Variants in NREP observed in about 807,000 individuals in gnomAD.
NREP encodes the protein neuronal regeneration-related protein.
Under a neutral mutation model 8.6 loss-of-function variants are expected in NREP, and 5 were observed. The ratio of observed to expected loss-of-function variants is 0.58; its 90% confidence interval spans 0.30 to 1.22. NREP has a LOEUF of 1.22. Ranked by LOEUF, NREP falls within the 50% of genes most tolerant of loss-of-function variation. The probability of loss-of-function intolerance (pLI) is 0.07; values close to 1 mark genes in which losing one functional copy is unlikely to be tolerated. For synonymous variants in NREP, 27 were observed against 28.0 expected (o/e 0.96, Z 0.11); for missense variants, 86 against 82.5 (o/e 1.04, Z -0.17).
chr5:111,850,600 T>G (rs1266696860), intron 2 of NREP, among the ~76,000 whole-genome samples: 1 of 152,144 alleles, frequency 6.6e-6, no homozygotes, highest in African/African-American at 2.4e-5. Flanking sequence ...CCTTCATCTC[T>G]TGTGTCTTGT....
At chr5:111,951,332 T>G (rs1275380126) in intron 2 of NREP, among the ~76,000 whole-genome samples, 3 of 152,078 alleles carry the variant, frequency 2.0e-5, no homozygotes, top group Non-Finnish European at 4.4e-5. Flanking sequence ...TGAACATTCT[T>G]ATATATTTCT....
chr5:111,881,707 AC>A (rs1164017797), intron 2 of NREP, among the ~76,000 whole-genome samples: 3 of 152,108 alleles, frequency 2.0e-5, no homozygotes, highest in Non-Finnish European at 4.4e-5. Flanking sequence ...CTCTGCAGAT[AC>A]CCCGGCAAAC....
intron 2 of NREP, among the ~76,000 whole-genome samples, chr5:111,736,994 G>A (rs1445401293): frequency 6.6e-6 from 1 of 152,030 alleles, no homozygotes; most frequent in African/African-American, 2.4e-5. Context: ...GTCCACAGCC[G>A]CCACCCACGT....
chr5:111,887,226 C>T (rs1296545489), intron 2 of NREP, among the ~76,000 whole-genome samples: 1 of 152,100 alleles, frequency 6.6e-6, no homozygotes, highest in Admixed American at 6.6e-5. Flanking sequence ...GCCCAGTGTA[C>T]ATAAACCTTT....
chr5:111,745,881 T>G (rs1012725185), intron 2 of NREP, among the ~76,000 whole-genome samples: 9 of 152,168 alleles, frequency 5.9e-5, no homozygotes, highest in Non-Finnish European at 1.2e-4. Flanking sequence ...AATTAATGTA[T>G]TAGAAATCCA....
At chr5:111,937,908 C>T (rs1008733425) in intron 2 of NREP, among the ~76,000 whole-genome samples, 103 of 152,018 alleles carry the variant, frequency 6.8e-4, no homozygotes, top group African/African-American at 2.5e-3. Context: ...CAAAGCTGAC[C>T]TCCAACTTAT....
chr5:111,934,433 A>G (rs901128491), intron 2 of NREP, among the ~76,000 whole-genome samples: 4 of 152,050 alleles, frequency 2.6e-5, no homozygotes, highest in Non-Finnish European at 4.4e-5. Context: ...ATAGGGGAAG[A>G]GGAGGAAAGA....
intron 2 of NREP, 187 bp downstream of exon 2, chr5:111,755,583 T>G (rs1039249790): frequency 1.6e-6 from 1 of 641,814 alleles, no homozygotes; most frequent in Non-Finnish European, 2.8e-6. Context: ...AAGAACTAAT[T>G]TGCCACATCC....
At chr5:111,946,199 T>TA (rs1255198350) in intron 2 of NREP, among the ~76,000 whole-genome samples, 4 of 151,764 alleles carry the variant, frequency 2.6e-5, no homozygotes, top group Non-Finnish European at 4.4e-5. Context: ...TTTGTCAAGT[T>TA]AATTCAATTT....
At chr5:111,871,804 T>C (rs896747109) in intron 2 of NREP, among the ~76,000 whole-genome samples, 4 of 150,158 alleles carry the variant, frequency 2.7e-5, no homozygotes, top group African/African-American at 9.7e-5. Flanking sequence ...ACCACTGTCA[T>C]ATATGCAGTT....
rs141335270 is a variant in NREP, at chr5:111,747,795, AGGAG to A, written c.3+7971_3+7974del. The stretch of plus-strand genomic sequence containing the variant: ...ATTTATATTTTGCTCCATGAAAATA[AGGAG>A]GAACACTGAACCAAGCAGTCTAAAA... On this transcript the variant is annotated intron_variant, in intron 2 of 3. Coordinates refer to ENST00000257435, the MANE Select transcript of NREP (RefSeq NM_004772.4). Among the ~76,000 whole-genome samples the A allele has an allele frequency of 1.2e-3, 184 of 152,298 alleles. 1 individual carries two copies. Among genetic ancestry groups the A allele is most frequent in the African/African-American group, 3.9e-3 (164 of 41,570 alleles).
At chr5:111,923,935 G>C (rs536736063) in intron 2 of NREP, among the ~76,000 whole-genome samples, 1 of 152,168 alleles carries the variant, frequency 6.6e-6, no homozygotes, top group African/African-American at 2.4e-5. Flanking sequence ...CAAGGAATGG[G>C]TCTTGGCTGC....
At chr5:111,742,581 G>T (rs1227330040) in intron 2 of NREP, among the ~76,000 whole-genome samples, 1 of 152,046 alleles carries the variant, frequency 6.6e-6, no homozygotes, top group Non-Finnish European at 1.5e-5. Flanking sequence ...AGGGGGGCAA[G>T]AAATCAGGTC....
At chr5:111,846,654 C>T (rs1432774492) in intron 2 of NREP, 1 of 151,896 alleles carries the variant, frequency 6.6e-6, no homozygotes, top group African/African-American at 2.4e-5. Flanking sequence ...TTCTGTAGCT[C>T]ACTTTTCAGT....
At chr5:111,929,587 CCTTT>C (rs1451495652) in intron 2 of NREP, among the ~76,000 whole-genome samples, 4 of 152,192 alleles carry the variant, frequency 2.6e-5, no homozygotes, top group Non-Finnish European at 5.9e-5. Flanking sequence ...TAGAAATCTT[CCTTT>C]CTTTCTCAAA....
intron 2 of NREP, among the ~76,000 whole-genome samples, chr5:111,940,389 C>T (rs1051332690): frequency 3.3e-5 from 5 of 152,040 alleles, no homozygotes; most frequent in South Asian, 4.1e-4. Context: ...AAGTTGTTGC[C>T]TTCTCTCTGC....
intron 2 of NREP, among the ~76,000 whole-genome samples, chr5:111,952,538 T>C (rs1020179856): frequency 5.3e-5 from 8 of 152,160 alleles, no homozygotes; most frequent in Admixed American, 3.3e-4. Flanking sequence ...TTCTACAACT[T>C]TGACAAGTAA....
intron 2 of NREP, among the ~76,000 whole-genome samples, chr5:111,786,225 C>T (rs1364230342): frequency 1.3e-5 from 2 of 152,208 alleles, no homozygotes; most frequent in African/African-American, 4.8e-5. Context: ...TTGTGCCTCA[C>T]TCATCTCCCT....
intron 2 of NREP, among the ~76,000 whole-genome samples, chr5:111,752,503 T>G (rs928441984): frequency 3.3e-5 from 5 of 152,208 alleles, no homozygotes; most frequent in Admixed American, 3.3e-4. Context: ...AAGCTATGAA[T>G]AGGACCGCAT....
Sources: allele counts gnomAD v4.1 joint callset (sites outside exome capture counted in the v4.1 genomes callset), GRCh38; gene constraint gnomAD v4.1.1; transcripts MANE v1.5; gene names NCBI Gene and HGNC (gene_info 2026-07-23, HGNC 2026-07-21).